Variants in AHI1 observed in about 807,000 individuals in gnomAD.
The protein encoded by AHI1 is jouberin.
In AHI1, 123 loss-of-function variants were observed where a neutral mutation model predicts 149.3. That is an observed-to-expected ratio of 0.82 (90% CI 0.71 to 0.96). The LOEUF (loss-of-function observed/expected upper bound fraction) is 0.96. Among genes scored for constraint, AHI1 ranks in the 40% least tolerant of loss-of-function variants. The pLI is 0.00. For missense variants in AHI1, 1,439 were observed against 1,422.7 expected (o/e 1.01, Z -0.18); for synonymous variants, 475 against 459.8 (o/e 1.03, Z -0.42).
chr6:135,350,139 C>A (rs1239386806), intron 24 of AHI1, among the ~76,000 whole-genome samples: 1 of 152,200 alleles, frequency 6.6e-6, no homozygotes, highest in Non-Finnish European at 1.5e-5. Context: ...AGTAACATAT[C>A]CACAGGGCTA....
intron 24 of AHI1, among the ~76,000 whole-genome samples, chr6:135,340,530 A>G (rs1790135276): frequency 6.6e-6 from 1 of 151,428 alleles, no homozygotes; most frequent in Non-Finnish European, 1.5e-5. Flanking sequence ...CCTTCAAGAA[A>G]AACAGAAGTC....
chr6:135,432,330 C>T (rs932722162), intron 16 of AHI1, among the ~76,000 whole-genome samples: 7 of 152,242 alleles, frequency 4.6e-5, no homozygotes, highest in East Asian at 1.9e-4. Context: ...AAATGATTTA[C>T]GTTTTACATC....
chr6:135,396,763 C>G (rs779121624), intron 22 of AHI1, among the ~76,000 whole-genome samples: 3 of 151,574 alleles, frequency 2.0e-5, no homozygotes, highest in Non-Finnish European at 4.4e-5. Context: ...TGCAAACAAA[C>G]AGGTGTATGC....
At chr6:135,306,606 G>A (rs1337868165) in intron 26 of AHI1, among the ~76,000 whole-genome samples, 1 of 152,174 alleles carries the variant, frequency 6.6e-6, no homozygotes, top group African/African-American at 2.4e-5. Context: ...AAGAGACAGT[G>A]TCAATACAAT....
intron 23 of AHI1, among the ~76,000 whole-genome samples, chr6:135,369,367 G>A (rs897383577): frequency 1.3e-5 from 2 of 152,184 alleles, no homozygotes; most frequent in Non-Finnish European, 2.9e-5. Flanking sequence ...TTCACAGTGT[G>A]ATTCTCTGTG....
At chr6:135,406,022 G>GA (rs903116055) in intron 21 of AHI1, among the ~76,000 whole-genome samples, 2 of 151,770 alleles carry the variant, frequency 1.3e-5, no homozygotes, top group African/African-American at 2.4e-5. Flanking sequence ...AAAAAGAACT[G>GA]AAAAAAATAG....
At chr6:135,431,345 G>T in intron 16 of AHI1, 31 bp from the exon 17 acceptor site, 1 of 1,343,364 alleles carries the variant, frequency 7.4e-7, no homozygotes. Context: ...ACTCACTTAT[G>T]AATGTCACAC....
intron 23 of AHI1, among the ~76,000 whole-genome samples, chr6:135,367,501 G>T (rs1774361185): frequency 6.6e-6 from 1 of 151,808 alleles, no homozygotes; most frequent in Admixed American, 6.6e-5. Flanking sequence ...ATTATTCTTA[G>T]ATTTGGTCAT....
chr6:135,466,280 T>C lies in AHI1; in HGVS notation c.283A>G (p.Arg95Gly), dbSNP rs529877776. The change falls in exon 7 of 29, where the codon AGA becomes GGA. Residue 95 changes from arginine (R) to glycine (G), a missense_variant. Arg to Gly is a moderately radical substitution (Grantham distance 125). Transcript: ENST00000265602. ...ANTNNLKKST[R>G]VTKNKLRNTQ... ...TTCCTCAATTTGTTTTTAGTGACTC[T>C]CGTGCTCTTCTTCAGGTTGTTAGTG... is the stretch of plus-strand genomic sequence containing the variant. 1 of 1,613,864 alleles carries C rather than the reference T, an allele frequency of 6.2e-7. No homozygotes were observed. The highest frequency in any genetic ancestry group is 8.5e-7 in the Non-Finnish European group (1 of 1,179,876).
intron 13 of AHI1, among the ~76,000 whole-genome samples, chr6:135,445,794 C>T (rs898068213): frequency 1.6e-4 from 25 of 151,918 alleles, no homozygotes; most frequent in Non-Finnish European, 2.6e-4. Context: ...CGGTGGCTCA[C>T]GCCTGTAATC....
In AHI1 at chr6:135,457,596, T is replaced by C. The variant is rs1367946911; in HGVS notation, c.1049A>G (p.His350Arg). 1 of 1,613,852 alleles carries C rather than the reference T, an allele frequency of 6.2e-7. No individual in the cohort carries two copies. Among genetic ancestry groups the C allele is most frequent in the East Asian group, 2.2e-5 (1 of 44,874 alleles). ...ATCTGACTTAAGTCTATCAGTTCGG[T>C]GAATGTAAACTCCCAAGACAAGGTC... is the stretch of plus-strand genomic sequence containing the variant. ...DDDLVLGVYIHRTDRLKSDFM... is the reference protein window; with the variant it reads ...DDDLVLGVYIRRTDRLKSDFM... Residue 350 changes from histidine (H) to arginine (R), a missense_variant, in exon 9 of 29, where the codon CAC becomes CGC. Coordinates refer to ENST00000265602, the MANE Select transcript of AHI1 (RefSeq NM_001134831.2).
chr6:135,387,788 C>A (rs565729915), intron 23 of AHI1: 2 of 1,317,786 alleles, frequency 1.5e-6, no homozygotes, highest in South Asian at 5.3e-5. Context: ...CTCCCATAAC[C>A]TCATACTGTT....
chr6:135,348,177 A>C (rs1791540549), intron 24 of AHI1, among the ~76,000 whole-genome samples: 1 of 152,190 alleles, frequency 6.6e-6, no homozygotes, highest in Admixed American at 6.5e-5. Context: ...CGGTAAAAAA[A>C]CAATCTATGG....
chr6:135,454,493 T>C (rs951304895), intron 10 of AHI1, among the ~76,000 whole-genome samples: 1 of 152,150 alleles, frequency 6.6e-6, no homozygotes, highest in Non-Finnish European at 1.5e-5. Context: ...TTATAAACAG[T>C]GCTGAAATAA....
At chr6:135,487,760 C>T (rs1794688655) in intron 5 of AHI1, among the ~76,000 whole-genome samples, 1 of 152,098 alleles carries the variant, frequency 6.6e-6, no homozygotes, top group Non-Finnish European at 1.5e-5. Context: ...ACTACTAGAA[C>T]TTATTCCTTC....
chr6:135,366,533 C>G (rs759731749), intron 23 of AHI1, among the ~76,000 whole-genome samples: 1 of 152,114 alleles, frequency 6.6e-6, no homozygotes, highest in African/African-American at 2.4e-5. Context: ...ATATTTCCAG[C>G]AATTTATCTA....
chr6:135,474,800 C>T (rs1488078417), intron 5 of AHI1, among the ~76,000 whole-genome samples: 1 of 152,134 alleles, frequency 6.6e-6, no homozygotes, highest in Non-Finnish European at 1.5e-5. Flanking sequence ...TTATCCTTTT[C>T]ATAAGATTGA....
intron 23 of AHI1, among the ~76,000 whole-genome samples, chr6:135,369,461 G>A (rs1482075384): frequency 1.3e-5 from 2 of 152,202 alleles, no homozygotes; most frequent in Admixed American, 1.3e-4. Context: ...CACAGTTATG[G>A]AAACAAGCTT....
At chr6:135,376,343 A>G (rs1775910097) in intron 23 of AHI1, among the ~76,000 whole-genome samples, 1 of 152,196 alleles carries the variant, frequency 6.6e-6, no homozygotes. Context: ...CATTCCACAG[A>G]TTATTCAACA....
Sources: allele counts gnomAD v4.1 joint callset (sites outside exome capture counted in the v4.1 genomes callset), GRCh38; gene constraint gnomAD v4.1.1; transcripts MANE v1.5; gene names NCBI Gene and HGNC (gene_info 2026-07-23, HGNC 2026-07-21).